Variants in PRKCB observed in about 807,000 individuals in gnomAD.
The protein encoded by PRKCB is protein kinase C beta.
Under a neutral mutation model 81.5 loss-of-function variants are expected in PRKCB, and 13 were observed. That is an observed-to-expected ratio of 0.16 (90% CI 0.10 to 0.25). PRKCB has a LOEUF of 0.25. Ranked by LOEUF, PRKCB falls within the 10% of genes least tolerant of loss-of-function variation. The probability of loss-of-function intolerance (pLI) is 1.00; values close to 1 mark genes in which losing one functional copy is unlikely to be tolerated. For synonymous variants in PRKCB, 335 were observed against 321.4 expected, an observed-to-expected ratio of 1.04 and a Z score of -0.45; for missense variants, 509 against 875.7, an observed-to-expected ratio of 0.58 and a Z score of 5.29.
At chr16:23,938,228 A>C (rs193054893) in intron 2 of PRKCB, among the ~76,000 whole-genome samples, 7 of 152,302 alleles carry the variant, frequency 4.6e-5, no homozygotes, top group African/African-American at 1.4e-4. Context: ...GCGTTTACAG[A>C]GTTTTGAAGG....
At position 23,942,089 on chromosome 16, in the gene PRKCB, T is replaced by C. The variant is rs1964146753; in HGVS notation, c.206-46419T>C. Reference sequence around the variant, plus strand: ...TGTCAACCAAAATCAATAACTTTCTTAGAGAGCATCTCTAACTTGGTGGAT... The same window carrying C: ...TGTCAACCAAAATCAATAACTTTCTCAGAGAGCATCTCTAACTTGGTGGAT... On this transcript the variant is annotated intron_variant, in intron 2 of 16. Transcript: ENST00000643927. Among the ~76,000 whole-genome samples, 3 of 152,348 alleles carry C rather than the reference T, an allele frequency of 2.0e-5. No homozygotes were observed. In the South Asian group the frequency reaches 6.2e-4, roughly 32 times the overall value.
chr16:23,859,046 C>T (rs774938947), intron 2 of PRKCB, among the ~76,000 whole-genome samples: 1 of 152,052 alleles, frequency 6.6e-6, no homozygotes, highest in Non-Finnish European at 1.5e-5. Flanking sequence ...TGGGAGGATC[C>T]CTTGAGCTTG....
intron 9 of PRKCB, among the ~76,000 whole-genome samples, chr16:24,153,288 G>A (rs551404515): frequency 6.6e-6 from 1 of 152,178 alleles, no homozygotes; most frequent in South Asian, 2.1e-4. Context: ...ACCCTCCTGA[G>A]CCTTAATTTC....
intron 9 of PRKCB, among the ~76,000 whole-genome samples, chr16:24,127,007 T>C (rs1966845640): frequency 1.0e-5 from 1 of 97,208 alleles, no homozygotes; most frequent in Non-Finnish European, 1.8e-5. Flanking sequence ...TTTTTTCCTT[T>C]TTTTTTTTTT....
At chr16:23,909,031 G>C (rs966263042) in intron 2 of PRKCB, among the ~76,000 whole-genome samples, 1 of 152,216 alleles carries the variant, frequency 6.6e-6, no homozygotes, top group African/African-American at 2.4e-5. Flanking sequence ...GGTTTGTTTT[G>C]TTTTGTTTAC....
At chr16:23,840,236 G>A (rs184890480) in intron 2 of PRKCB, among the ~76,000 whole-genome samples, 3 of 152,240 alleles carry the variant, frequency 2.0e-5, no homozygotes, top group Non-Finnish European at 2.9e-5. Flanking sequence ...CACTTACGAT[G>A]GAATCAACAG....
intron 16 of PRKCB, among the ~76,000 whole-genome samples, chr16:24,200,910 ATATTATTATTTAT>A (rs1210316003): frequency 6.6e-6 from 1 of 151,950 alleles, no homozygotes; most frequent in Non-Finnish European, 1.5e-5. Context: ...ATGTACTATT[ATATTATTATTTAT>A]TATTATTATT....
At chr16:23,915,387 G>T (rs1303418398) in intron 2 of PRKCB, among the ~76,000 whole-genome samples, 1 of 152,010 alleles carries the variant, frequency 6.6e-6, no homozygotes, top group African/African-American at 2.4e-5. Context: ...AGTGAACTGT[G>T]TAGAACAAAA....
intron 2 of PRKCB, among the ~76,000 whole-genome samples, chr16:23,875,099 C>T (rs990290858): frequency 2.7e-5 from 4 of 148,736 alleles, no homozygotes; most frequent in Admixed American, 6.7e-5. Context: ...TGTGGTAGCA[C>T]GATCAGGACT....
chr16:23,872,025 G>T (rs1391905947), intron 2 of PRKCB, among the ~76,000 whole-genome samples: 1 of 152,170 alleles, frequency 6.6e-6, no homozygotes, highest in Non-Finnish European at 1.5e-5. Context: ...CACTCAGGGG[G>T]TGCTCAACAC....
chr16:24,151,672 T>A, intron 9 of PRKCB: 1 of 402,798 alleles, frequency 2.5e-6, no homozygotes, highest in Admixed American at 2.6e-5. Flanking sequence ...TCATAGACAG[T>A]GGGAGTCGAA....
intron 9 of PRKCB, among the ~76,000 whole-genome samples, chr16:24,124,962 A>G (rs758580414): frequency 3.9e-5 from 6 of 152,068 alleles, no homozygotes; most frequent in African/African-American, 4.8e-5. Flanking sequence ...TACCACCCAA[A>G]TCTAATCATT....
intron 3 of PRKCB, among the ~76,000 whole-genome samples, chr16:23,993,953 AG>A (rs1250146064): frequency 4.6e-5 from 7 of 152,314 alleles, no homozygotes; most frequent in African/African-American, 1.7e-4. Context: ...AGAGAATCAT[AG>A]CCCCTCAGTC....
At chr16:23,978,161 T>C (rs1400027178) in intron 2 of PRKCB, among the ~76,000 whole-genome samples, 3 of 152,180 alleles carry the variant, frequency 2.0e-5, no homozygotes, top group Non-Finnish European at 4.4e-5. Context: ...TGTGTTTGGA[T>C]GGCCTGTACA....
intron 2 of PRKCB, among the ~76,000 whole-genome samples, chr16:23,919,109 C>T (rs8062027): frequency 0.96 from 146,973 of 152,314 alleles, 70,952 homozygotes; most frequent in East Asian, 1. Context: ...TAAATTAACA[C>T]GTATTTTTTA....
chr16:23,991,387 G>A (rs968426483), intron 3 of PRKCB, among the ~76,000 whole-genome samples: 1 of 152,198 alleles, frequency 6.6e-6, no homozygotes, highest in Non-Finnish European at 1.5e-5. Context: ...AGCCCTTGTA[G>A]TGCAATTTCT....
chr16:24,070,146 GA>G (rs544589966), intron 5 of PRKCB, among the ~76,000 whole-genome samples: 2 of 144,522 alleles, frequency 1.4e-5, no homozygotes, highest in East Asian at 2.0e-4. Flanking sequence ...GAAACCAGGG[GA>G]TTTTTTTTTT....
chr16:24,204,971 T>A (rs1968021072), intron 16 of PRKCB, among the ~76,000 whole-genome samples: 1 of 151,596 alleles, frequency 6.6e-6, no homozygotes, highest in African/African-American at 2.4e-5. Flanking sequence ...AATACAAAAA[T>A]TAGCTGGGCA....
intron 2 of PRKCB, among the ~76,000 whole-genome samples, chr16:23,950,635 T>A (rs1012307774): frequency 6.6e-6 from 1 of 152,188 alleles, no homozygotes; most frequent in Non-Finnish European, 1.5e-5. Flanking sequence ...AACCCACGTG[T>A]TGGCTGTTTC....
Sources: allele counts gnomAD v4.1 joint callset (sites outside exome capture counted in the v4.1 genomes callset), GRCh38; gene constraint gnomAD v4.1.1; transcripts MANE v1.5; gene names NCBI Gene and HGNC (gene_info 2026-07-23, HGNC 2026-07-21).